Variants in GREM2 observed in about 807,000 individuals in gnomAD.
GREM2 encodes the protein gremlin-2.
A neutral mutation model predicts 14.2 loss-of-function variants in GREM2; 11 were observed. The ratio of observed to expected loss-of-function variants is 0.78; its 90% CI spans 0.49 to 1.28. The LOEUF is 1.28. Among genes scored for constraint, GREM2 ranks in the 50% most tolerant of loss-of-function variants. GREM2 has a pLI of 0.00. For synonymous variants in GREM2, 98 were observed against 97.6 expected (o/e 1.00, Z -0.02); for missense variants, 210 against 218.5 (o/e 0.96, Z 0.24).
Position 240,492,078 on chromosome 1 carries a change from C to G in GREM2, c.*891G>C, listed in dbSNP as rs1046294693. The G allele has an allele frequency of 4.8e-5, 11 of 227,148 alleles. No individual in the cohort carries two copies. Among genetic ancestry groups the G allele is most frequent in the African/African-American group, 2.5e-4 (11 of 44,444 alleles). 14.1% of individuals were successfully genotyped at this position (227,148 alleles called of 1,614,324 possible). A position where few individuals can be genotyped will look rare whatever the true frequency, so the allele number is the denominator to read the frequency against. On this transcript the variant is annotated 3_prime_UTR_variant, in exon 2 of 2. Transcript: ENST00000318160. Reference sequence around the variant, plus strand: ...TCCTTACTCCGAATGGTGCTGCAAGCCAGAGTCAAAACATGTGAAATAATA... The same window carrying G: ...TCCTTACTCCGAATGGTGCTGCAAGGCAGAGTCAAAACATGTGAAATAATA...
intron 1 of GREM2, among the ~76,000 whole-genome samples, chr1:240,547,125 G>A (rs1678742372): frequency 6.6e-6 from 1 of 152,114 alleles, no homozygotes; most frequent in Non-Finnish European, 1.5e-5. Context: ...CAAGAAGGGT[G>A]AAGGAATGCT....
At chr1:240,558,271 T>G (rs937743741) in intron 1 of GREM2, among the ~76,000 whole-genome samples, 1 of 152,060 alleles carries the variant, frequency 6.6e-6, no homozygotes, top group Admixed American at 6.6e-5. Context: ...AGCTGGAAAC[T>G]TTGATAGTAA....
chr1:240,493,548 T>TA, intron 1 of GREM2, 72 bp from the exon 2 acceptor site: 3 of 1,438,188 alleles, frequency 2.1e-6, no homozygotes, highest in South Asian at 1.5e-5. Flanking sequence ...CTTATTTTTT[T>TA]TTTTATTTTA....
chr1:240,499,406 G>A (rs1480058015), intron 1 of GREM2, among the ~76,000 whole-genome samples: 2 of 152,170 alleles, frequency 1.3e-5, no homozygotes, highest in African/African-American at 2.4e-5. Flanking sequence ...GAAGTCCCCA[G>A]GGCTGAATAG....
Position 240,491,496 on chromosome 1 carries a change from C to T in GREM2, c.*1473G>A, listed in dbSNP as rs2103265770. On this transcript the variant is annotated 3_prime_UTR_variant, in exon 2 of 2. Coordinates refer to ENST00000318160, the MANE Select transcript of GREM2 (RefSeq NM_022469.4). ...TTCGCTGGAAAATAAGTTACGTCTA[C>T]TTCCGTATATCAAGAGACCACAGCA... 1.3e-5 allele frequency: 2 copies of T among 152,726 alleles called. No individual in the cohort carries two copies. Among genetic ancestry groups the T allele is most frequent in the South Asian group, 4.1e-4 (2 of 4,830 alleles). The allele number at this position is 152,726 out of a possible 1,614,324, so 9.5% of individuals were successfully genotyped here.
At chr1:240,533,279 G>C (rs1054965852) in intron 1 of GREM2, among the ~76,000 whole-genome samples, 7 of 152,198 alleles carry the variant, frequency 4.6e-5, no homozygotes, top group African/African-American at 1.7e-4. Flanking sequence ...CTGTGAAAAG[G>C]TTGGGAAAAG....
At chr1:240,607,836 A>C (rs1680059882) in intron 1 of GREM2, among the ~76,000 whole-genome samples, 1 of 152,222 alleles carries the variant, frequency 6.6e-6, no homozygotes, top group Non-Finnish European at 1.5e-5. Context: ...GTGCTATAGA[A>C]GATGTTTGCT....
At chr1:240,515,822 T>C (rs1677942214) in intron 1 of GREM2, among the ~76,000 whole-genome samples, 1 of 152,190 alleles carries the variant, frequency 6.6e-6, no homozygotes, top group Non-Finnish European at 1.5e-5. Flanking sequence ...CACTTGGTGT[T>C]TGCATTGGTC....
At chr1:240,548,304 A>G (rs577757356) in intron 1 of GREM2, among the ~76,000 whole-genome samples, 1 of 151,864 alleles carries the variant, frequency 6.6e-6, no homozygotes, top group South Asian at 2.1e-4. Context: ...AATTAAATAA[A>G]TAAATAAAAG....
chr1:240,531,716 T>TC (rs1678366718), intron 1 of GREM2: 11 of 31,770 alleles, frequency 3.5e-4, no homozygotes, highest in East Asian at 6.3e-3. Flanking sequence ...TTCTTCTTCT[T>TC]TTTTTTTTTT....
At chr1:240,496,544 C>G (rs1450061881) in intron 1 of GREM2, among the ~76,000 whole-genome samples, 5 of 152,224 alleles carry the variant, frequency 3.3e-5, no homozygotes, top group Admixed American at 3.3e-4. Flanking sequence ...CCTGCTTTAT[C>G]TTCCTCCAGG....
intron 1 of GREM2, among the ~76,000 whole-genome samples, chr1:240,591,747 T>C (rs887259118): frequency 2.6e-5 from 4 of 152,148 alleles, no homozygotes; most frequent in African/African-American, 9.7e-5. Context: ...TTTTTTGAAG[T>C]GGAAGGGGCC....
At chr1:240,539,550 T>C (rs984418313) in intron 1 of GREM2, among the ~76,000 whole-genome samples, 1 of 152,212 alleles carries the variant, frequency 6.6e-6, no homozygotes, top group African/African-American at 2.4e-5. Flanking sequence ...ACAAAAGAGA[T>C]TTCTGAGTTG....
intron 1 of GREM2, among the ~76,000 whole-genome samples, chr1:240,600,127 G>A (rs897049422): frequency 2.8e-4 from 43 of 152,180 alleles, no homozygotes; most frequent in African/African-American, 9.9e-4. Flanking sequence ...GACTGGGAAT[G>A]AGGAAACCTG....
chr1:240,531,352 T>A (rs1678353845), intron 1 of GREM2, among the ~76,000 whole-genome samples: 1 of 152,212 alleles, frequency 6.6e-6, no homozygotes, highest in Non-Finnish European at 1.5e-5. Context: ...TTCTGGAAGA[T>A]TACTTAATAG....
chr1:240,513,843 G>A (rs1304427985), intron 1 of GREM2, among the ~76,000 whole-genome samples: 1 of 152,172 alleles, frequency 6.6e-6, no homozygotes, highest in Non-Finnish European at 1.5e-5. Context: ...TGGTGAGAAT[G>A]TAAGTGGAAG....
intron 1 of GREM2, among the ~76,000 whole-genome samples, chr1:240,595,647 C>T (rs966035751): frequency 6.6e-6 from 1 of 152,088 alleles, no homozygotes; most frequent in Admixed American, 6.6e-5. Flanking sequence ...CATCTGGAGG[C>T]GGCATATTGA....
intron 1 of GREM2, among the ~76,000 whole-genome samples, chr1:240,599,267 C>CAAA (rs11413068): frequency 1.8e-4 from 22 of 119,140 alleles, no homozygotes; most frequent in African/African-American, 6.5e-4. Flanking sequence ...GACTCTGTCT[C>CAAA]AAAAAAAAAA....
intron 1 of GREM2, among the ~76,000 whole-genome samples, chr1:240,496,872 C>T (rs1447073533): frequency 6.6e-6 from 1 of 152,066 alleles, no homozygotes; most frequent in Non-Finnish European, 1.5e-5. Context: ...ATTAGCTGGG[C>T]GTGGTGGCAC....
Sources: gnomAD v4.1 joint callset for allele counts (sites outside exome capture counted in the v4.1 genomes callset) on GRCh38, gnomAD v4.1.1 for gene constraint, MANE v1.5 for transcripts, NCBI Gene and HGNC (gene_info 2026-07-23, HGNC 2026-07-21) for gene names.